The following ADGRL2 variants were observed in gnomAD, a reference collection of about 807,000 sequenced individuals.
The protein encoded by ADGRL2 is calcium-independent alpha-latrotoxin receptor 2.
A neutral mutation model predicts 157.4 loss-of-function variants in ADGRL2; 44 were observed. That is an observed-to-expected ratio of 0.28 (90% CI 0.22 to 0.36). The LOEUF (loss-of-function observed/expected upper bound fraction) is 0.36. ADGRL2 is among the 10% of genes least tolerant of loss of function. The probability of loss-of-function intolerance (pLI) is 1.00; values close to 1 mark genes in which losing one functional copy is unlikely to be tolerated. For missense variants in ADGRL2, 1,510 were observed against 1,768.9 expected, an observed-to-expected ratio of 0.85 and a Z score of 2.63; for synonymous variants, 585 against 624.7, an observed-to-expected ratio of 0.94 and a Z score of 0.95.
At chr1:81,911,245 T>G (rs2094713914) in intron 3 of ADGRL2, among the ~76,000 whole-genome samples, 1 of 152,188 alleles carries the variant, frequency 6.6e-6, no homozygotes, top group Admixed American at 6.5e-5. Flanking sequence ...AATGAAATGC[T>G]TTCTTAAAAT....
chr1:81,367,675 C>T (rs2076090509), intron 1 of ADGRL2, among the ~76,000 whole-genome samples: 1 of 152,194 alleles, frequency 6.6e-6, no homozygotes, highest in South Asian at 2.1e-4. Flanking sequence ...GCCTCAGCAT[C>T]CCAAGTAGCT....
intron 2 of ADGRL2, among the ~76,000 whole-genome samples, chr1:81,506,714 G>GAACAA (rs201035324): frequency 0.05 from 6,946 of 140,278 alleles, 221 homozygotes; most frequent in Admixed American, 0.1. Context: ...AGTCTCAAAA[G>GAACAA]AACAAAACAA....
chr1:81,575,166 C>G (rs2080772667), intron 2 of ADGRL2, among the ~76,000 whole-genome samples: 1 of 152,148 alleles, frequency 6.6e-6, no homozygotes, highest in Non-Finnish European at 1.5e-5. Context: ...GTAAAATTTT[C>G]TGATTATAAA....
intron 3 of ADGRL2, among the ~76,000 whole-genome samples, chr1:81,667,739 AT>A (rs1044129155): frequency 2.0e-5 from 3 of 151,996 alleles, no homozygotes; most frequent in Non-Finnish European, 2.9e-5. Context: ...GTATCTAAGT[AT>A]TTTTTTTAAA....
At chr1:81,804,414 G>A (rs2088799597) in intron 1 of ADGRL2, among the ~76,000 whole-genome samples, 1 of 152,142 alleles carries the variant, frequency 6.6e-6, no homozygotes, top group Non-Finnish European at 1.5e-5. Flanking sequence ...CGTTTGAAGG[G>A]GACTATTAGC....
At chr1:81,870,625 G>A (rs527725683) in intron 2 of ADGRL2, among the ~76,000 whole-genome samples, 2 of 152,124 alleles carry the variant, frequency 1.3e-5, no homozygotes, top group South Asian at 4.1e-4. Context: ...AGTTGTCAGA[G>A]CTTAAAATGA....
intron 1 of ADGRL2, among the ~76,000 whole-genome samples, chr1:81,417,303 A>AT (rs2077049742): frequency 6.6e-6 from 1 of 152,124 alleles, no homozygotes; most frequent in South Asian, 2.1e-4. Flanking sequence ...GTGACTCCTA[A>AT]TTGGTAAATC....
At position 81,372,510 on chromosome 1, in the gene ADGRL2, C is replaced by T. The variant is rs183068523; in HGVS notation, c.-302+66001C>T. ...CTGGAAAGCTTATCTGTTGCTGGAT[C>T]GATTGATTATAATTCAGCATAAGTA... On this transcript the variant is annotated intron_variant, in intron 1 of 24. Transcript: ENST00000370721. Among the ~76,000 whole-genome samples, 12 of 152,222 alleles carry T rather than the reference C, an allele frequency of 7.9e-5. No individual in the cohort carries two copies. In the East Asian group the frequency reaches 1.9e-3, roughly 25 times the overall value.
intron 1 of ADGRL2, among the ~76,000 whole-genome samples, chr1:81,420,932 A>G (rs2077112923): frequency 6.6e-6 from 1 of 152,232 alleles, no homozygotes; most frequent in South Asian, 2.1e-4. Flanking sequence ...AATCACCAGC[A>G]TCTGTCTTCT....
intron 2 of ADGRL2, among the ~76,000 whole-genome samples, chr1:81,884,636 T>C (rs2094080496): frequency 6.6e-6 from 1 of 152,182 alleles, no homozygotes. Flanking sequence ...ATCAGGGCTA[T>C]TTTCTGTATA....
chr1:81,342,871 A>G (rs1158922020), intron 1 of ADGRL2, among the ~76,000 whole-genome samples: 1 of 152,054 alleles, frequency 6.6e-6, no homozygotes. Context: ...CTCTTTGCAA[A>G]GTTCAGCTCT....
chr1:81,688,219 T>C (rs573389128), intron 3 of ADGRL2, among the ~76,000 whole-genome samples: 1 of 152,326 alleles, frequency 6.6e-6, no homozygotes, highest in African/African-American at 2.4e-5. Flanking sequence ...ACTAGGTCTC[T>C]AGCTAGGCCA....
At chr1:81,562,387 G>A (rs2148458089) in intron 2 of ADGRL2, among the ~76,000 whole-genome samples, 1 of 152,150 alleles carries the variant, frequency 6.6e-6, no homozygotes, top group Non-Finnish European at 1.5e-5. Flanking sequence ...AGGAAAACTA[G>A]GAAACAATTA....
intron 1 of ADGRL2, among the ~76,000 whole-genome samples, chr1:81,341,925 A>G (rs957833078): frequency 6.6e-6 from 1 of 152,270 alleles, no homozygotes; most frequent in Middle Eastern, 3.4e-3. Flanking sequence ...GTGAATTCCA[A>G]TGAAAACTAT....
chr1:81,538,728 G>A (rs2079806243), intron 2 of ADGRL2, among the ~76,000 whole-genome samples: 1 of 152,044 alleles, frequency 6.6e-6, no homozygotes, highest in South Asian at 2.1e-4. Context: ...TAAAGGGCTG[G>A]GCACAGTGGC....
At chr1:81,885,002 T>A (rs2151296535) in intron 2 of ADGRL2, among the ~76,000 whole-genome samples, 1 of 152,304 alleles carries the variant, frequency 6.6e-6, no homozygotes, top group East Asian at 1.9e-4. Context: ...TTTAATGGAT[T>A]AGTTAAGGAA....
chr1:81,909,819 G>A (rs554477678), intron 3 of ADGRL2, among the ~76,000 whole-genome samples: 6 of 151,940 alleles, frequency 3.9e-5, no homozygotes, highest in South Asian at 2.1e-4. Context: ...TTTTGCCCAC[G>A]TTCAAATTCA....
chr1:81,340,312 C>G (rs912782042), intron 1 of ADGRL2, among the ~76,000 whole-genome samples: 2 of 152,114 alleles, frequency 1.3e-5, no homozygotes. Flanking sequence ...TTAACAATAG[C>G]AGGACACATT....
intron 2 of ADGRL2, among the ~76,000 whole-genome samples, chr1:81,841,947 A>G (rs1340619642): frequency 6.6e-6 from 1 of 152,140 alleles, no homozygotes; most frequent in Non-Finnish European, 1.5e-5. Flanking sequence ...CGATAGTTGG[A>G]TGGTTGCATG....
Sources: gnomAD v4.1 joint callset for allele counts (sites outside exome capture counted in the v4.1 genomes callset) on GRCh38, gnomAD v4.1.1 for gene constraint, MANE v1.5 for transcripts, NCBI Gene and HGNC (gene_info 2026-07-23, HGNC 2026-07-21) for gene names.